KCNT2: variants seen among roughly 807,000 people sequenced by gnomAD.
The protein encoded by KCNT2 is potassium sodium-activated channel subfamily T member 2, also known as potassium channel subfamily T member 2.
Under a neutral mutation model 153.8 loss-of-function variants are expected in KCNT2, and 67 were observed. The ratio of observed to expected loss-of-function variants is 0.44; its 90% CI spans 0.36 to 0.53. The LOEUF is 0.53. KCNT2 is among the 20% of genes least tolerant of loss of function. The probability of loss-of-function intolerance (pLI) is 0.00; values close to 1 mark genes in which losing one functional copy is unlikely to be tolerated. For synonymous variants in KCNT2, 500 were observed against 458.8 expected (o/e 1.09, Z -1.15); for missense variants, 975 against 1,354.8 (o/e 0.72, Z 4.40).
chr1:196,292,468 G>A (rs1660269056), intron 22 of KCNT2, among the ~76,000 whole-genome samples: 1 of 152,104 alleles, frequency 6.6e-6, no homozygotes, highest in Admixed American at 6.5e-5. Flanking sequence ...CGAAGTTCTG[G>A]CCAGAGCAAT....
intron 26 of KCNT2, among the ~76,000 whole-genome samples, chr1:196,248,616 A>G (rs1234227658): frequency 2.0e-5 from 3 of 152,132 alleles, no homozygotes; most frequent in Non-Finnish European, 4.4e-5. Context: ...CAAAACCTAA[A>G]CAGACCAATA....
chr1:196,596,964 T>A (rs1357361221), intron 1 of KCNT2, among the ~76,000 whole-genome samples: 1 of 152,212 alleles, frequency 6.6e-6, no homozygotes, highest in South Asian at 2.1e-4. Context: ...CTTCCCAGAG[T>A]GCTGGGATTA....
At chr1:196,468,452 G>A (rs537547510) in intron 6 of KCNT2, among the ~76,000 whole-genome samples, 2 of 152,192 alleles carry the variant, frequency 1.3e-5, no homozygotes, top group East Asian at 3.9e-4. Flanking sequence ...CAAAAGGAAA[G>A]TGCTGAGTAA....
At chr1:196,554,556 C>T (rs1658382164) in intron 1 of KCNT2, among the ~76,000 whole-genome samples, 1 of 151,028 alleles carries the variant, frequency 6.6e-6, no homozygotes, top group South Asian at 2.1e-4. Context: ...TGAATTCTAC[C>T]AAACATTTAA....
intron 26 of KCNT2, among the ~76,000 whole-genome samples, chr1:196,250,316 C>T (rs1439687891): frequency 6.6e-6 from 1 of 151,948 alleles, no homozygotes; most frequent in Non-Finnish European, 1.5e-5. Flanking sequence ...GATTAGAGAA[C>T]CCAGAAACAA....
rs185261236 is a variant in KCNT2, at chr1:196,499,707, C to A, written c.96-7366G>T. ...CCTTATGATTAATGTCATTTCCCCA[C>A]AGATTTTGTAAATAGGTTATGAATT... On this transcript the variant is annotated intron_variant, in intron 1 of 27. Transcript: ENST00000294725. 1.7e-3 allele frequency among the ~76,000 whole-genome samples: 253 copies of A among 152,272 alleles called. 1 individual carries two copies. The highest frequency in any genetic ancestry group is 5.8e-3 in the African/African-American group (242 of 41,536).
At chr1:196,358,335 G>C (rs1322041664) in intron 14 of KCNT2, among the ~76,000 whole-genome samples, 3 of 151,102 alleles carry the variant, frequency 2.0e-5, no homozygotes, top group African/African-American at 7.3e-5. Flanking sequence ...ATCTTGCTGG[G>C]AATAATAATT....
rs540009480 is a variant in KCNT2 at position 196,542,695 on chromosome 1, C to T, written c.96-50354G>A. ...TCCATTATTTCATTTTTCAACCAAT[C>T]AATAAAAATACATAGATTTATTGAA... On this transcript the variant is annotated intron_variant, in intron 1 of 27. Transcript: ENST00000294725. Among the ~76,000 whole-genome samples, 5 of 152,080 alleles carry T rather than the reference C, an allele frequency of 3.3e-5. No homozygotes were observed. In the South Asian group the frequency reaches 1.0e-3, roughly 32 times the overall value.
At chr1:196,566,244 C>T (rs529188649) in intron 1 of KCNT2, among the ~76,000 whole-genome samples, 152 of 151,960 alleles carry the variant, frequency 1.0e-3, no homozygotes, top group African/African-American at 3.4e-3. Flanking sequence ...AATGACCTTC[C>T]TGGCAGGAAA....
intron 19 of KCNT2, among the ~76,000 whole-genome samples, chr1:196,320,406 AC>A (rs1663177934): frequency 6.6e-6 from 1 of 152,014 alleles, no homozygotes; most frequent in Admixed American, 6.6e-5. Context: ...AAAATTATGT[AC>A]AAAATCATAC....
intron 3 of KCNT2, among the ~76,000 whole-genome samples, chr1:196,483,889 T>C (rs1318201676): frequency 6.6e-6 from 1 of 152,154 alleles, no homozygotes; most frequent in Non-Finnish European, 1.5e-5. Flanking sequence ...AGGTAACCAA[T>C]GATCAATGAT....
rs749229518 is a variant in KCNT2 at position 196,324,587 on chromosome 1, TGTAAA to T, written c.2276+2125_2276+2129del. On this transcript the variant is annotated intron_variant, in intron 19 of 27. Coordinates refer to ENST00000294725, the MANE Select transcript of KCNT2 (RefSeq NM_198503.5). ...AAATATGTGACTTGTGCAACTAAAA[TGTAAA>T]GTAAAGTGTGTAGTATGATGACTGA... Among the ~76,000 whole-genome samples the T allele has an allele frequency of 3.3e-5, 5 of 152,050 alleles. No individual in the cohort carries two copies. In the East Asian group the frequency reaches 5.8e-4, roughly 18 times the overall value.
At chr1:196,570,755 A>T (rs913322895) in intron 1 of KCNT2, among the ~76,000 whole-genome samples, 2 of 152,142 alleles carry the variant, frequency 1.3e-5, no homozygotes, top group Non-Finnish European at 2.9e-5. Flanking sequence ...AGAAACAGCT[A>T]GATAGATTCT....
At chr1:196,273,854 T>C (rs1658304443) in intron 25 of KCNT2, among the ~76,000 whole-genome samples, 1 of 151,696 alleles carries the variant, frequency 6.6e-6, no homozygotes, top group Non-Finnish European at 1.5e-5. Context: ...ATTCCACAAA[T>C]GTACTCCATA....
At chr1:196,592,726 T>C (rs991229594) in intron 1 of KCNT2, among the ~76,000 whole-genome samples, 2 of 147,088 alleles carry the variant, frequency 1.4e-5, no homozygotes, top group East Asian at 3.9e-4. Context: ...AATATATATA[T>C]ACATATATAT....
intron 22 of KCNT2, among the ~76,000 whole-genome samples, chr1:196,287,846 A>G (rs1189056692): frequency 1.3e-5 from 2 of 152,148 alleles, no homozygotes; most frequent in Admixed American, 1.3e-4. Context: ...GAGCTAGTTA[A>G]ACAAACAGGG....
intron 22 of KCNT2, among the ~76,000 whole-genome samples, chr1:196,293,706 A>T (rs1055242280): frequency 1.3e-5 from 2 of 152,174 alleles, no homozygotes; most frequent in African/African-American, 2.4e-5. Flanking sequence ...ATGTAAGGCC[A>T]GAAATTGTCA....
chr1:196,259,249 T>C (rs916174830), intron 25 of KCNT2, among the ~76,000 whole-genome samples: 1 of 152,094 alleles, frequency 6.6e-6, no homozygotes, highest in African/African-American at 2.4e-5. Flanking sequence ...ATGAACAAAC[T>C]CACAAAGTCT....
intron 1 of KCNT2, among the ~76,000 whole-genome samples, chr1:196,564,186 C>A (rs1483021843): frequency 6.6e-6 from 1 of 151,640 alleles, no homozygotes; most frequent in Non-Finnish European, 1.5e-5. Context: ...GATACAAAAT[C>A]ACATACTAAA....
Sources: gnomAD v4.1 joint callset for allele counts (sites outside exome capture counted in the v4.1 genomes callset) on GRCh38, gnomAD v4.1.1 for gene constraint, MANE v1.5 for transcripts, NCBI Gene and HGNC (gene_info 2026-07-23, HGNC 2026-07-21) for gene names.